Variants in ENTPD5 observed in about 807,000 individuals in gnomAD.
The protein encoded by ENTPD5 is ectonucleoside triphosphate diphosphohydrolase 5 (inactive), also known as nucleoside diphosphate phosphatase ENTPD5.
ENTPD5 carries 49 observed loss-of-function variants against 60.2 expected under a neutral mutation model. The ratio of observed to expected loss-of-function variants is 0.81; its 90% CI spans 0.65 to 1.03. ENTPD5 has a LOEUF of 1.03. Among genes scored for constraint, ENTPD5 ranks in the 50% least tolerant of loss-of-function variants. The pLI is 0.00. For synonymous variants in ENTPD5, 187 were observed against 185.4 expected (o/e 1.01, Z -0.07); for missense variants, 480 against 507.6 (o/e 0.95, Z 0.52).
At chr14:73,994,730 C>CAA (rs752400357) in intron 3 of ENTPD5, among the ~76,000 whole-genome samples, 78 of 123,276 alleles carry the variant, frequency 6.3e-4, no homozygotes, top group Non-Finnish European at 9.7e-4. Flanking sequence ...GACTCCATCT[C>CAA]AAAAAAAAAA....
intron 3 of ENTPD5, among the ~76,000 whole-genome samples, chr14:73,995,494 A>G (rs754341668): frequency 6.6e-6 from 1 of 151,940 alleles, no homozygotes; most frequent in Non-Finnish European, 1.5e-5. Context: ...CCCATTTAAT[A>G]AAAATGTAAC....
chr14:74,001,911 A>C (rs1477192452), intron 3 of ENTPD5, among the ~76,000 whole-genome samples: 1 of 152,124 alleles, frequency 6.6e-6, no homozygotes, highest in Non-Finnish European at 1.5e-5. Flanking sequence ...TTTGAGAAAC[A>C]AAAAGTAGAA....
chr14:73,979,226 C>G (rs898942295), intron 6 of ENTPD5, among the ~76,000 whole-genome samples: 1 of 151,698 alleles, frequency 6.6e-6, no homozygotes, highest in Non-Finnish European at 1.5e-5. Context: ...CCTGACTGTC[C>G]TATTTAAAAT....
intron 3 of ENTPD5, among the ~76,000 whole-genome samples, chr14:74,006,940 C>T (rs1442824617): frequency 6.6e-6 from 1 of 152,068 alleles, no homozygotes; most frequent in East Asian, 1.9e-4. Flanking sequence ...AAATGAGTCA[C>T]TGTATTTGTT....
downstream of ENTPD5, chr14:73,959,528 T>C (rs2056606668): frequency 6.2e-7 from 1 of 1,613,896 alleles, no homozygotes; most frequent in Non-Finnish European, 8.5e-7. Context: ...CCTTTGTGAG[T>C]ATCAATTTAC....
At chr14:73,961,232 T>G, downstream of ENTPD5, 5 of 1,614,164 alleles carry the variant, frequency 3.1e-6, no homozygotes, top group East Asian at 8.9e-5. Context: ...TGCAGTATGC[T>G]GTCAGCCTTC....
downstream of ENTPD5, chr14:73,961,779 G>A (rs200922212): frequency 2.2e-5 from 35 of 1,614,136 alleles, no homozygotes; most frequent in Middle Eastern, 1.7e-4. Context: ...GAAAGACAGC[G>A]TCACAACACT....
At chr14:73,961,129 T>C (rs1231772977), downstream of ENTPD5, 5 of 1,594,924 alleles carry the variant, frequency 3.1e-6, no homozygotes, top group Non-Finnish European at 4.3e-6. Flanking sequence ...AATTCCCTGC[T>C]ACTCACATTT....
chr14:73,960,151 T>C (rs740505), downstream of ENTPD5: 151,001 of 988,614 alleles, frequency 0.15, 11,880 homozygotes, highest in Admixed American at 0.21. Flanking sequence ...CTTTCAAGCC[T>C]GATTCATTGA....
At chr14:73,961,787 A>G (rs755355422), downstream of ENTPD5, 2 of 1,614,008 alleles carry the variant, frequency 1.2e-6, no homozygotes, top group South Asian at 1.1e-5. Flanking sequence ...GCGTCACAAC[A>G]CTGCTCTTCT....
intron 3 of ENTPD5, among the ~76,000 whole-genome samples, chr14:73,991,598 AAAC>A (rs1304692602): frequency 4.5e-5 from 6 of 133,938 alleles, no homozygotes; most frequent in East Asian, 2.2e-4. Context: ...AAAAAAAAAA[AAAC>A]AATAACCAAA....
Position 73,974,956 on chromosome 14 carries a change from C to A in ENTPD5, c.752G>T (p.Arg251Ile). 6.2e-7 allele frequency: 1 copy of A among 1,613,718 alleles called. No individual in the cohort carries two copies. The highest frequency in any genetic ancestry group is 8.5e-7 in the Non-Finnish European group (1 of 1,179,694). The change falls in exon 11 of 16, where the codon AGA becomes ATA. Residue 251 changes from arginine (R) to isoleucine (I), a missense_variant. Physicochemically the swap from Arg to Ile is moderately conservative, Grantham distance 97. Coordinates refer to ENST00000334696, the MANE Select transcript of ENTPD5 (RefSeq NM_001249.5). ...SYLGFGLKAA[R>I]LATLGALETE... ...CTCCAGGGCTCCCAGGGTTGCTAGT[C>A]TTGCAGCTTTCAATCCAAATCCCAG...
At chr14:73,961,965 G>GA, downstream of ENTPD5, 4 of 1,580,580 alleles carry the variant, frequency 2.5e-6, no homozygotes, top group Non-Finnish European at 3.5e-6. Flanking sequence ...GCTTTTTTTT[G>GA]AAACAGAGTC....
At chr14:74,013,720 A>G (rs189884539) in intron 2 of ENTPD5, among the ~76,000 whole-genome samples, 1 of 152,308 alleles carries the variant, frequency 6.6e-6, no homozygotes, top group East Asian at 1.9e-4. Flanking sequence ...CATCCAGGTC[A>G]GAGCTTTATA....
At chr14:73,978,767 G>A (rs529609497) in intron 6 of ENTPD5, among the ~76,000 whole-genome samples, 1 of 151,170 alleles carries the variant, frequency 6.6e-6, no homozygotes, top group Non-Finnish European at 1.5e-5. Context: ...AATATTAGCC[G>A]GGCATGATGG....
At chr14:74,010,223 C>A (rs950587691) in intron 3 of ENTPD5, among the ~76,000 whole-genome samples, 6 of 152,194 alleles carry the variant, frequency 3.9e-5, no homozygotes, top group Non-Finnish European at 8.8e-5. Context: ...AAGTGTGAGC[C>A]ACTGCACCTG....
chr14:73,980,237 G>A (rs1490712521), intron 6 of ENTPD5, among the ~76,000 whole-genome samples: 4 of 148,192 alleles, frequency 2.7e-5, no homozygotes, highest in Non-Finnish European at 4.5e-5. Context: ...ATGAGCCACC[G>A]CGCCTGGCCT....
intron 6 of ENTPD5, among the ~76,000 whole-genome samples, chr14:73,978,665 A>G (rs1208045110): frequency 6.6e-6 from 1 of 151,902 alleles, no homozygotes; most frequent in Non-Finnish European, 1.5e-5. Context: ...TCCTTCTTAT[A>G]GAAAAAGCCA....
chr14:73,957,946 A>G (rs1021297303), downstream of ENTPD5: 9 of 561,404 alleles, frequency 1.6e-5, no homozygotes, highest in South Asian at 3.9e-5. Flanking sequence ...GAGAACTTCA[A>G]TGTCTTTTTT....
Sources: allele counts gnomAD v4.1 joint callset (sites outside exome capture counted in the v4.1 genomes callset), GRCh38; gene constraint gnomAD v4.1.1; transcripts MANE v1.5; gene names NCBI Gene and HGNC (gene_info 2026-07-23, HGNC 2026-07-21).